PKP2: variants seen among roughly 807,000 people sequenced by gnomAD.
The protein encoded by PKP2 is plakophilin-2.
Under a neutral mutation model 83.4 loss-of-function variants are expected in PKP2, and 73 were observed. The observed-to-expected ratio is 0.88, with a 90% CI of 0.72 to 1.06. PKP2 has a LOEUF of 1.06. Ranked by LOEUF, PKP2 falls within the 50% of genes least tolerant of loss-of-function variation. PKP2 has a pLI of 0.00. For missense variants in PKP2, 966 were observed against 1,065.4 expected (o/e 0.91, Z 1.30); for synonymous variants, 409 against 430.4 (o/e 0.95, Z 0.62).
intron 6 of PKP2, among the ~76,000 whole-genome samples, chr12:32,825,159 T>A (rs1349371061): frequency 7.1e-6 from 1 of 141,582 alleles, no homozygotes; most frequent in African/African-American, 2.6e-5. Context: ...ATCAGATCAG[T>A]TTCTTTTTTT....
intron 4 of PKP2, among the ~76,000 whole-genome samples, chr12:32,866,057 A>G (rs1956846212): frequency 6.6e-6 from 1 of 152,148 alleles, no homozygotes; most frequent in Non-Finnish European, 1.5e-5. Context: ...ATTAAAATGA[A>G]AACCTATTAG....
intron 2 of PKP2, among the ~76,000 whole-genome samples, 181 bp downstream of exon 2, chr12:32,878,739 G>C (rs1956959130): frequency 6.6e-6 from 1 of 152,112 alleles, no homozygotes; most frequent in African/African-American, 2.4e-5. Context: ...GCACTAGGAT[G>C]TAAGAATGTT....
At chr12:32,871,161 C>T (rs1956893040) in intron 3 of PKP2, among the ~76,000 whole-genome samples, 1 of 152,040 alleles carries the variant, frequency 6.6e-6, no homozygotes, top group Admixed American at 6.6e-5. Flanking sequence ...CCTCCAATCA[C>T]ACCAGGCTTT....
chr12:32,847,774 A>G (rs1415419378), intron 5 of PKP2, among the ~76,000 whole-genome samples: 1 of 152,154 alleles, frequency 6.6e-6, no homozygotes, highest in Non-Finnish European at 1.5e-5. Flanking sequence ...CCCTTCAGGA[A>G]GTATTTCCTG....
intron 9 of PKP2, among the ~76,000 whole-genome samples, chr12:32,807,310 G>C (rs1322753402): frequency 6.6e-6 from 1 of 151,898 alleles, no homozygotes; most frequent in East Asian, 1.9e-4. Context: ...TTTGATCTTT[G>C]CTGGTGTAAA....
intron 11 of PKP2, 162 bp from the exon 12 acceptor site, chr12:32,792,893 T>C (rs1261039349): frequency 1.4e-6 from 1 of 693,054 alleles, no homozygotes. Context: ...CAGCAAGCTC[T>C]GCAAGGCGGG....
intron 10 of PKP2, among the ~76,000 whole-genome samples, chr12:32,796,624 C>T (rs1221257236): frequency 6.6e-6 from 1 of 152,058 alleles, no homozygotes; most frequent in Non-Finnish European, 1.5e-5. Context: ...TGGTCTCGAT[C>T]TCCTGACCTC....
At chr12:32,843,455 C>A in intron 5 of PKP2, 1 of 567,860 alleles carries the variant, frequency 1.8e-6, no homozygotes, top group Non-Finnish European at 3.3e-6. Context: ...TTGGTAATTA[C>A]TCAGCATACT....
rs1015094143 is a variant in PKP2, at chr12:32,793,740, C to T, written c.2358-1009G>A. On this transcript the variant is annotated intron_variant, in intron 11 of 12. Transcript: ENST00000340811. Reference sequence around the variant, plus strand: ...CCTCCGAAGTAGCTGGGACTACAGGCGCATGCCACCACGCCAGGCTAATTT... The same window carrying T: ...CCTCCGAAGTAGCTGGGACTACAGGTGCATGCCACCACGCCAGGCTAATTT... Among the ~76,000 whole-genome samples the T allele has an allele frequency of 5.4e-5, 8 of 149,268 alleles. No homozygotes were observed. In the East Asian group the frequency reaches 5.9e-4, roughly 11 times the overall value.
At chr12:32,862,142 C>T (rs1277990992) in intron 4 of PKP2, among the ~76,000 whole-genome samples, 5 of 152,148 alleles carry the variant, frequency 3.3e-5, no homozygotes, top group Non-Finnish European at 5.9e-5. Context: ...AGTGATCTGC[C>T]CGCCTCAGTC....
At chr12:32,849,284 G>A (rs1017601479) in intron 5 of PKP2, among the ~76,000 whole-genome samples, 2 of 152,112 alleles carry the variant, frequency 1.3e-5, no homozygotes, top group Non-Finnish European at 2.9e-5. Context: ...TGCAATCATG[G>A]CTCACTGCAC....
intron 2 of PKP2, 105 bp downstream of exon 2, chr12:32,878,812 AATG>A: frequency 1.3e-6 from 1 of 764,542 alleles, no homozygotes; most frequent in East Asian, 2.5e-5. Flanking sequence ...TCATTTAGGA[AATG>A]ATAATACTTG....
intron 5 of PKP2, chr12:32,843,348 G>C (rs1346021343): frequency 2.2e-6 from 3 of 1,361,574 alleles, no homozygotes; most frequent in East Asian, 4.5e-5. Context: ...AGGTACTCAG[G>C]GCAGGCTCCT....
At position 32,819,527 on chromosome 12, in the gene PKP2, T is replaced by G. The variant is rs1956356562; in HGVS notation, c.2013+1829A>C. On this transcript the variant is annotated intron_variant, in intron 9 of 12. Transcript: ENST00000340811. The stretch of plus-strand genomic sequence containing the variant: ...CTCTTTATGGACCTGGTACCTTAAA[T>G]TTTTCCTAGTACTTTAAATTTCTGT... 2.0e-5 allele frequency among the ~76,000 whole-genome samples: 3 copies of G among 152,068 alleles called. No homozygotes were observed. The South Asian group carries it at 6.2e-4, about 32-fold the overall frequency.
At position 32,883,692 on chromosome 12, in the gene PKP2, C is replaced by A. The variant is rs1408561792; in HGVS notation, c.224-4660G>T. 2.0e-5 allele frequency among the ~76,000 whole-genome samples: 3 copies of A among 152,172 alleles called. No homozygotes were observed. In the East Asian group the frequency reaches 5.8e-4, roughly 29 times the overall value. On this transcript the variant is annotated intron_variant, in intron 1 of 12. Transcript: ENST00000340811. Reference sequence around the variant, plus strand: ...GGCATCTTCCCTACATTGAAGAAATCCGTAGGCTTCATCTGGAACCCCTAT... The same window carrying A: ...GGCATCTTCCCTACATTGAAGAAATACGTAGGCTTCATCTGGAACCCCTAT...
Position 32,790,911 on chromosome 12 carries a change from T to C in PKP2, c.*1513A>G, listed in dbSNP as rs1436133819. On this transcript the variant is annotated 3_prime_UTR_variant, in exon 13 of 13. Transcript: ENST00000340811. Reference sequence around the variant, plus strand: ...TAAATTCTCTCCAGTATTTTAAAAATTGGTATCTAAATAATTTCATTTTGA... The same window carrying C: ...TAAATTCTCTCCAGTATTTTAAAAACTGGTATCTAAATAATTTCATTTTGA... 6.6e-6 allele frequency: 1 copy of C among 152,228 alleles called. No individual in the cohort carries two copies. Among genetic ancestry groups the C allele is most frequent in the Non-Finnish European group, 1.5e-5 (1 of 68,038 alleles). 9.4% of individuals were successfully genotyped at this position (152,228 alleles called of 1,614,324 possible). A position where few individuals can be genotyped will look rare whatever the true frequency, so the allele number is the denominator to read the frequency against.
intron 9 of PKP2, among the ~76,000 whole-genome samples, chr12:32,814,853 A>T (rs1342630717): frequency 1.3e-5 from 2 of 151,940 alleles, no homozygotes; most frequent in Non-Finnish European, 1.5e-5. Flanking sequence ...TGAACCCAGG[A>T]GGCGGAGGTT....
chr12:32,817,939 G>A (rs969561323), intron 9 of PKP2, among the ~76,000 whole-genome samples: 5 of 151,988 alleles, frequency 3.3e-5, no homozygotes, highest in South Asian at 2.1e-4. Context: ...TTCTCATGGG[G>A]GCGCAAACCC....
chr12:32,806,554 G>A (rs189813421), intron 9 of PKP2, among the ~76,000 whole-genome samples: 315 of 152,136 alleles, frequency 2.1e-3, no homozygotes, highest in African/African-American at 7.2e-3. Context: ...TGGGGTCAGT[G>A]GTGATATCCC....
Sources: gnomAD v4.1 joint callset for allele counts (sites outside exome capture counted in the v4.1 genomes callset) on GRCh38, gnomAD v4.1.1 for gene constraint, MANE v1.5 for transcripts, NCBI Gene and HGNC (gene_info 2026-07-23, HGNC 2026-07-21) for gene names.